The following FHIT variants were observed in gnomAD, a reference collection of about 807,000 sequenced individuals.
The protein encoded by FHIT is fragile histidine triad diadenosine triphosphatase, also known as bis(5'-adenosyl)-triphosphatase.
In FHIT, 19 loss-of-function variants were observed where a neutral mutation model predicts 17.9. The observed-to-expected ratio is 1.06, with a 90% CI of 0.74 to 1.56. The LOEUF (loss-of-function observed/expected upper bound fraction) is 1.56, where lower values mean the gene tolerates loss of function less well. Ranked by LOEUF, FHIT falls within the 40% of genes most tolerant of loss-of-function variation. The pLI, the probability that FHIT is intolerant of heterozygous loss-of-function variation, is 0.00. For missense variants in FHIT, 248 were observed against 189.2 expected, an observed-to-expected ratio of 1.31 and a Z score of -1.82; for synonymous variants, 81 against 69.7, an observed-to-expected ratio of 1.16 and a Z score of -0.81.
intron 5 of FHIT, among the ~76,000 whole-genome samples, chr3:60,175,715 C>T (rs1238984869): frequency 2.0e-5 from 3 of 152,168 alleles, no homozygotes; most frequent in Non-Finnish European, 4.4e-5. Context: ...AAGAACACCT[C>T]TACCTCCTCT....
intron 8 of FHIT, among the ~76,000 whole-genome samples, chr3:59,825,186 G>A (rs761673896): frequency 1.3e-5 from 2 of 152,118 alleles, no homozygotes; most frequent in Non-Finnish European, 2.9e-5. Flanking sequence ...AGTGCATAAT[G>A]CTGCTGTCTT....
chr3:59,919,862 A>C (rs1422693550), intron 8 of FHIT, among the ~76,000 whole-genome samples: 1 of 152,182 alleles, frequency 6.6e-6, no homozygotes, highest in Non-Finnish European at 1.5e-5. Flanking sequence ...ATTTGGTCTA[A>C]TGTACATTAA....
chr3:60,338,984 T>C (rs149664393), intron 5 of FHIT, among the ~76,000 whole-genome samples: 117 of 152,202 alleles, frequency 7.7e-4, no homozygotes, highest in African/African-American at 2.6e-3. Flanking sequence ...ACAGACTTAG[T>C]GTAAAGGAGG....
At chr3:60,695,715 T>G (rs1217909161) in intron 4 of FHIT, among the ~76,000 whole-genome samples, 2 of 152,150 alleles carry the variant, frequency 1.3e-5, no homozygotes, top group African/African-American at 2.4e-5. Flanking sequence ...GCATTCTGGG[T>G]AAGAACAGGG....
At chr3:60,268,409 T>C (rs1706692459) in intron 5 of FHIT, among the ~76,000 whole-genome samples, 2 of 152,230 alleles carry the variant, frequency 1.3e-5, no homozygotes, top group South Asian at 4.1e-4. Flanking sequence ...GTCTTGTTTA[T>C]GGCTGTATAT....
At chr3:59,803,481 G>C (rs983452778) in intron 8 of FHIT, among the ~76,000 whole-genome samples, 2 of 152,172 alleles carry the variant, frequency 1.3e-5, no homozygotes, top group Admixed American at 6.5e-5. Context: ...GTGATTTGGC[G>C]GCAGCACGGG....
chr3:60,680,160 C>T (rs1553696462), intron 4 of FHIT, among the ~76,000 whole-genome samples: 3 of 152,150 alleles, frequency 2.0e-5, no homozygotes, highest in Non-Finnish European at 4.4e-5. Context: ...TACCAGTTTG[C>T]TCTGTGAATG....
At chr3:60,011,474 A>G in intron 6 of FHIT, 74 bp from the exon 7 acceptor site, 1 of 1,249,112 alleles carries the variant, frequency 8.0e-7, no homozygotes, top group East Asian at 2.3e-5. Context: ...AATATCACCC[A>G]TTAATAATTT....
At chr3:60,636,735 A>G (rs2039595323) in intron 4 of FHIT, among the ~76,000 whole-genome samples, 1 of 152,180 alleles carries the variant, frequency 6.6e-6, no homozygotes, top group Non-Finnish European at 1.5e-5. Context: ...TGGCTACTAC[A>G]TAAAAAGCCA....
intron 6 of FHIT, 149 bp from the exon 7 acceptor site, chr3:60,011,549 G>A (rs540311545): frequency 2.9e-5 from 20 of 682,820 alleles, no homozygotes; most frequent in African/African-American, 2.7e-4. Context: ...TCAAATGTGC[G>A]GGATTAGACA....
intron 3 of FHIT, among the ~76,000 whole-genome samples, chr3:61,014,890 A>G (rs912778874): frequency 1.3e-5 from 2 of 148,182 alleles, no homozygotes; most frequent in Admixed American, 1.4e-4. Flanking sequence ...GTATATCTAT[A>G]CATACATCCA....
chr3:60,914,580 G>C (rs1166685690), intron 3 of FHIT, among the ~76,000 whole-genome samples: 1 of 152,034 alleles, frequency 6.6e-6, no homozygotes, highest in Non-Finnish European at 1.5e-5. Flanking sequence ...CAAGGGAATG[G>C]GGTCATAGGG....
At chr3:60,018,767 C>T (rs1482629123) in intron 5 of FHIT, among the ~76,000 whole-genome samples, 1 of 152,124 alleles carries the variant, frequency 6.6e-6, no homozygotes, top group African/African-American at 2.4e-5. Context: ...CACCTGAGGT[C>T]AGCAGTTCAA....
chr3:60,679,826 G>C (rs901172496), intron 4 of FHIT, among the ~76,000 whole-genome samples: 5 of 151,350 alleles, frequency 3.3e-5, no homozygotes, highest in Non-Finnish European at 7.4e-5. Flanking sequence ...GGTTTTTTTT[G>C]CATGTTTTAA....
chr3:61,242,382 G>A (rs377270066), intron 1 of FHIT, among the ~76,000 whole-genome samples: 1 of 151,916 alleles, frequency 6.6e-6, no homozygotes, highest in African/African-American at 2.4e-5. Context: ...TATAAATAAA[G>A]GTTTTCCCCT....
At chr3:60,180,416 T>G (rs1406365975) in intron 5 of FHIT, among the ~76,000 whole-genome samples, 1 of 152,124 alleles carries the variant, frequency 6.6e-6, no homozygotes, top group East Asian at 1.9e-4. Context: ...TGTTCCACAC[T>G]TCACCCTCAT....
intron 8 of FHIT, among the ~76,000 whole-genome samples, chr3:59,828,892 A>G (rs1701069509): frequency 6.8e-6 from 1 of 146,762 alleles, no homozygotes; most frequent in African/African-American, 2.6e-5. Flanking sequence ...CAAATTCCTT[A>G]GTTAATAAGC....
chr3:60,212,547 T>C (rs1035385431), intron 5 of FHIT, among the ~76,000 whole-genome samples: 2 of 152,162 alleles, frequency 1.3e-5, no homozygotes, highest in Non-Finnish European at 2.9e-5. Context: ...CACATATCTC[T>C]TTCACATAAC....
At chr3:60,607,464 T>G (rs1270052923) in intron 4 of FHIT, among the ~76,000 whole-genome samples, 1 of 151,660 alleles carries the variant, frequency 6.6e-6, no homozygotes, top group East Asian at 1.9e-4. Context: ...TAATTAAAAG[T>G]ATATTATCTT....
Sources: allele counts gnomAD v4.1 joint callset (sites outside exome capture counted in the v4.1 genomes callset), GRCh38; gene constraint gnomAD v4.1.1; transcripts MANE v1.5; gene names NCBI Gene and HGNC (gene_info 2026-07-23, HGNC 2026-07-21).